LOXL2: variants seen among roughly 807,000 people sequenced by gnomAD.
LOXL2 encodes the protein lysyl oxidase homolog 2.
In LOXL2, 70 loss-of-function variants were observed where a neutral mutation model predicts 93.0. That is an observed-to-expected ratio of 0.75 (90% confidence interval 0.62 to 0.92). The LOEUF is 0.92. Ranked by LOEUF, LOXL2 falls within the 40% of genes least tolerant of loss-of-function variation. The pLI is 0.00. For synonymous variants in LOXL2, 438 were observed against 413.2 expected (o/e 1.06, Z -0.73); for missense variants, 973 against 1,054.9 (o/e 0.92, Z 1.08).
Position 23,334,574 on chromosome 8 carries a change from T to C in LOXL2, c.744-951A>G, listed in dbSNP as rs1374996106. On this transcript the variant is annotated intron_variant, in intron 4 of 13. Transcript: ENST00000389131. ...AGATCAGTGAGGTTGAGCTTGTCTC[T>C]GTACCATATCCTAAGGAAGCCCTTA... Among the ~76,000 whole-genome samples, 6 of 152,334 alleles carry C rather than the reference T, an allele frequency of 3.9e-5. No homozygotes were observed. The East Asian group carries it at 1.2e-3, about 29-fold the overall frequency.
At chr8:23,301,146 G>T (rs1453316357) in intron 12 of LOXL2, among the ~76,000 whole-genome samples, 8 of 152,212 alleles carry the variant, frequency 5.3e-5, no homozygotes. Flanking sequence ...AGCTTTCAAG[G>T]TGGAATGACA....
chr8:23,302,203 A>G, intron 11 of LOXL2, 40 bp from the exon 12 acceptor site: 3 of 1,609,404 alleles, frequency 1.9e-6, no homozygotes, highest in Admixed American at 1.7e-5. Context: ...CCAGGGAACC[A>G]TGGCCCCACT....
intron 3 of LOXL2, among the ~76,000 whole-genome samples, chr8:23,343,247 G>A (rs1013942188): frequency 2.0e-5 from 3 of 152,202 alleles, no homozygotes; most frequent in African/African-American, 7.2e-5. Flanking sequence ...CTACCGCAAA[G>A]CATGCACCAG....
At position 23,307,957 on chromosome 8, in the gene LOXL2, A is replaced by G. The variant is rs1362352049; in HGVS notation, c.1880+1711T>C. On this transcript the variant is annotated intron_variant, in intron 10 of 13. Coordinates refer to ENST00000389131, the MANE Select transcript of LOXL2 (RefSeq NM_002318.3). ...CTAGGTCATCAGCTGCGATATGAAA[A>G]AAAAAAAAAAAAAAAAGCCAAAGAT... 8.7e-4 allele frequency among the ~76,000 whole-genome samples: 129 copies of G among 149,036 alleles called. 4 individuals are homozygous for G. The highest frequency in any genetic ancestry group is 1.6e-3 in the Non-Finnish European group (110 of 67,216).
chr8:23,348,801 C>T (rs542597380), intron 3 of LOXL2, among the ~76,000 whole-genome samples: 2 of 151,956 alleles, frequency 1.3e-5, no homozygotes, highest in South Asian at 2.1e-4. Context: ...GGCATGAACC[C>T]GGGAGGCGGA....
In LOXL2 at chr8:23,324,391, A is replaced by G. The variant is rs868567726; in HGVS notation, c.1151-2110T>C. Among the ~76,000 whole-genome samples the G allele has an allele frequency of 5.9e-5, 9 of 152,342 alleles. No individual in the cohort carries two copies. The South Asian group carries it at 1.2e-3, about 21-fold the overall frequency. On this transcript the variant is annotated intron_variant, in intron 6 of 13. Coordinates refer to ENST00000389131, the MANE Select transcript of LOXL2 (RefSeq NM_002318.3). ...CCATGGTGCGTCCAAGGAAGGGCAC[A>G]GAGAAAGAGGCCCAGTGTGGCTCAC... is the stretch of plus-strand genomic sequence containing the variant.
rs1324728656 is a variant in LOXL2 at position 23,309,816 on chromosome 8, TCTC to T, written c.1729_1731del (p.Glu577del). 4.4e-6 allele frequency: 7 copies of T among 1,602,972 alleles called. No individual in the cohort carries two copies. Among genetic ancestry groups the T allele is most frequent in the African/African-American group, 1.3e-5 (1 of 74,534 alleles). On this transcript the variant is annotated inframe_deletion, in exon 10 of 14. Transcript: ENST00000389131. ...TGCGCGGCTGAGGCCGAGAGGCAGT[TCTC>T]CTCCATGGCACACTGCAGCATGAAC...
At chr8:23,308,387 T>C (rs556735098) in intron 10 of LOXL2, among the ~76,000 whole-genome samples, 17 of 152,236 alleles carry the variant, frequency 1.1e-4, no homozygotes, top group Non-Finnish European at 1.5e-5. Flanking sequence ...TCCAAGGACC[T>C]CACTTTGAGA....
At chr8:23,338,338 AG>A (rs1301514764) in intron 4 of LOXL2, among the ~76,000 whole-genome samples, 3 of 149,852 alleles carry the variant, frequency 2.0e-5, no homozygotes, top group Admixed American at 6.6e-5. Flanking sequence ...GTTGGTGGCC[AG>A]GGGGCAGCTC....
chr8:23,315,408 C>G (rs1408786282), intron 9 of LOXL2, among the ~76,000 whole-genome samples: 1 of 152,128 alleles, frequency 6.6e-6, no homozygotes, highest in African/African-American at 2.4e-5. Flanking sequence ...GTTCCTGGCC[C>G]CAAAGCCTAC....
chr8:23,357,361 C>T (rs774448587), intron 3 of LOXL2, among the ~76,000 whole-genome samples: 6 of 152,148 alleles, frequency 3.9e-5, no homozygotes, highest in Non-Finnish European at 7.4e-5. Flanking sequence ...TGAGCCACTG[C>T]GCCCGGCCTT....
chr8:23,357,920 G>C (rs1458926091), intron 3 of LOXL2, among the ~76,000 whole-genome samples: 1 of 152,212 alleles, frequency 6.6e-6, no homozygotes, highest in Non-Finnish European at 1.5e-5. Context: ...TTTCTGGGGA[G>C]AAGAGAATTT....
At position 23,328,890 on chromosome 8, in the gene LOXL2, C is replaced by T. The variant is rs879424058; in HGVS notation, c.967-325G>A. 2.5e-5 allele frequency: 6 copies of T among 236,554 alleles called. 1 individual carries two copies. Among genetic ancestry groups the T allele is most frequent in the Non-Finnish European group, 5.0e-5 (6 of 121,072 alleles). The allele number at this position is 236,554 out of a possible 1,614,324, so 14.7% of individuals were successfully genotyped here. A position where few individuals can be genotyped will look rare whatever the true frequency, so the allele number is the denominator to read the frequency against. The stretch of plus-strand genomic sequence containing the variant: ...CGATCACTCATCACCCCAACCTTTG[C>T]GTGGCACAAGGATCCTTCCATCAGC... On this transcript the variant is annotated intron_variant, in intron 5 of 13. Coordinates refer to ENST00000389131, the MANE Select transcript of LOXL2 (RefSeq NM_002318.3).
In LOXL2 at chr8:23,330,829, AT is replaced by A. The variant is rs1169841580; in HGVS notation, c.967-2265del. Among the ~76,000 whole-genome samples, 32 of 150,638 alleles carry A rather than the reference AT, an allele frequency of 2.1e-4. No individual in the cohort carries two copies. The East Asian group carries it at 6.2e-3, about 29-fold the overall frequency. On this transcript the variant is annotated intron_variant, in intron 5 of 13. Transcript: ENST00000389131. ...TGGGGGTTTGGGGGGTGGTGGACTG[AT>A]TGTCGGAGGAGAGGGACATGGCGCT...
intron 1 of LOXL2, among the ~76,000 whole-genome samples, chr8:23,389,604 C>T (rs184734580): frequency 6.6e-6 from 1 of 152,126 alleles, no homozygotes; most frequent in African/African-American, 2.4e-5. Flanking sequence ...ATAAAAATTC[C>T]TAGTCATGCA....
chr8:23,319,757 T>A, intron 8 of LOXL2, 128 bp downstream of exon 8: 2 of 1,042,440 alleles, frequency 1.9e-6, no homozygotes, highest in Non-Finnish European at 2.8e-6. Context: ...TGCCTCTGGG[T>A]CCAGGGCAAC....
At chr8:23,347,313 C>T (rs866629293) in intron 3 of LOXL2, among the ~76,000 whole-genome samples, 3 of 151,888 alleles carry the variant, frequency 2.0e-5, no homozygotes, top group South Asian at 2.1e-4. Flanking sequence ...GCCGAGATTG[C>T]GCCACTACAC....
At chr8:23,318,125 C>T (rs1324723763) in intron 8 of LOXL2, among the ~76,000 whole-genome samples, 1 of 151,946 alleles carries the variant, frequency 6.6e-6, no homozygotes, top group African/African-American at 2.4e-5. Flanking sequence ...GCAGATTACC[C>T]TCCATAATAT....
Position 23,373,608 on chromosome 8 carries a change from A to G in LOXL2, c.-83-5174T>C, listed in dbSNP as rs1439426556. On this transcript the variant is annotated intron_variant, in intron 1 of 13. Transcript: ENST00000389131. The stretch of plus-strand genomic sequence containing the variant: ...ACACAGAGTGCTTGGCAAGCAGCTA[A>G]CATTAATAGAGCACCCCCATGTGCA... 2.0e-5 allele frequency among the ~76,000 whole-genome samples: 3 copies of G among 152,352 alleles called. No individual in the cohort carries two copies. In the East Asian group the frequency reaches 5.8e-4, roughly 29 times the overall value.
Sources: allele counts gnomAD v4.1 joint callset (sites outside exome capture counted in the v4.1 genomes callset), GRCh38; gene constraint gnomAD v4.1.1; transcripts MANE v1.5; gene names NCBI Gene and HGNC (gene_info 2026-07-23, HGNC 2026-07-21).